ZNF582: variants seen among roughly 807,000 people sequenced by gnomAD.
ZNF582 encodes zinc finger protein 582.
ZNF582 carries 14 observed loss-of-function variants against 12.3 expected under a neutral mutation model. That is an observed-to-expected ratio of 1.14 (90% confidence interval 0.75 to 1.78). ZNF582 has a LOEUF of 1.78. Among genes scored for constraint, ZNF582 ranks in the 40% most tolerant of loss-of-function variants. The probability of loss-of-function intolerance (pLI) is 0.00; values close to 1 mark genes in which losing one functional copy is unlikely to be tolerated. For missense variants in ZNF582, 567 were observed against 616.5 expected (o/e 0.92, Z 0.85); for synonymous variants, 210 against 207.2 (o/e 1.01, Z -0.11).
exon 5 of ZNF582, chr19:56,383,142 AT>A (rs2041931921): frequency 6.6e-6 from 1 of 152,222 alleles, no homozygotes; most frequent in South Asian, 2.1e-4. Flanking sequence ...AACAAGGGGA[AT>A]TGGGTATGGC....
At chr19:56,388,741 T>A (rs777996520) in intron 4 of ZNF582, among the ~76,000 whole-genome samples, 1 of 152,160 alleles carries the variant, frequency 6.6e-6, no homozygotes, top group African/African-American at 2.4e-5. Context: ...CAAGCGATTC[T>A]CCTGCTTCAG....
At chr19:56,390,134 TG>T (rs1298870982) in intron 3 of ZNF582, 38 bp from the exon 4 acceptor site, 3 of 1,597,798 alleles carry the variant, frequency 1.9e-6, no homozygotes, top group East Asian at 4.5e-5. Flanking sequence ...GGTTATGGTG[TG>T]GGGGCCCCAG....
chr19:56,383,903 T>C, exon 5 of ZNF582: 1 of 1,601,786 alleles, frequency 6.2e-7, no homozygotes, highest in African/African-American at 1.3e-5. Flanking sequence ...ATTCATATGG[T>C]TGCTTGCCAA....
At position 56,383,777 on chromosome 19, in the gene ZNF582, T is replaced by G. The variant is rs139696388; in HGVS notation, c.*86A>C. On this transcript the variant is annotated 3_prime_UTR_variant, in exon 5 of 5. Coordinates refer to ENST00000586929, the Ensembl canonical transcript of ZNF582. ...AATTTTCAGACTTAGGATAAAGGCTTACCTCTGAATGAAGGCATTGTCACT... is the reference window on the plus strand; with the variant it reads ...AATTTTCAGACTTAGGATAAAGGCTGACCTCTGAATGAAGGCATTGTCACT... 1.5e-4 allele frequency: 216 copies of G among 1,431,370 alleles called. 1 individual carries two copies. The African/African-American group carries it at 2.7e-3, about 18-fold the overall frequency. The allele number at this position is 1,431,370 out of a possible 1,614,324, so 88.7% of individuals were successfully genotyped here.
chr19:56,387,139 T>C (rs531677500), intron 4 of ZNF582, among the ~76,000 whole-genome samples: 3 of 152,364 alleles, frequency 2.0e-5, no homozygotes, highest in Admixed American at 2.0e-4. Context: ...CTGTATTTTG[T>C]GCAGTAGCTT....
At chr19:56,391,680 A>T in intron 2 of ZNF582, 64 bp downstream of exon 2, 1 of 1,499,984 alleles carries the variant, frequency 6.7e-7, no homozygotes, top group South Asian at 1.1e-5. Context: ...AAATTTCTGG[A>T]TGGAACCCAG....
intron 4 of ZNF582, among the ~76,000 whole-genome samples, chr19:56,387,204 G>A (rs73937253): frequency 0.033 from 5,058 of 152,284 alleles, 296 homozygotes; most frequent in African/African-American, 0.12. Context: ...GAGGGTGAAA[G>A]AGCAGGAGGG....
At chr19:56,389,444 A>G (rs369136172) in intron 4 of ZNF582, among the ~76,000 whole-genome samples, 1 of 152,186 alleles carries the variant, frequency 6.6e-6, no homozygotes, top group Non-Finnish European at 1.5e-5. Flanking sequence ...CAAATACTGC[A>G]TGTTCTCACT....
Position 56,391,739 on chromosome 19 carries a change from C to T in ZNF582, c.9+5G>A. 6.2e-7 allele frequency: 1 copy of T among 1,612,668 alleles called. No individual in the cohort carries two copies. The highest frequency in any genetic ancestry group is 8.5e-7 in the Non-Finnish European group (1 of 1,178,662). ...AGCAAATATTTATGGGATTTAAAAACTCACAAGGGACATGACTTTTAGAAT... is the reference window on the plus strand; with the variant it reads ...AGCAAATATTTATGGGATTTAAAAATTCACAAGGGACATGACTTTTAGAAT... On this transcript the variant is annotated splice_donor_5th_base_variant and intron_variant, in intron 2 of 4. Coordinates refer to ENST00000586929, the Ensembl canonical transcript of ZNF582.
exon 5 of ZNF582, chr19:56,383,861 G>C: frequency 6.4e-7 from 1 of 1,556,390 alleles, no homozygotes; most frequent in Non-Finnish European, 8.6e-7. Context: ...GTCACAATTA[G>C]CCTAGGCTAA....
chr19:56,384,787 A>G, exon 5 of ZNF582: 4 of 1,595,494 alleles, frequency 2.5e-6, no homozygotes, highest in South Asian at 2.3e-5. Flanking sequence ...GTCGTGAGCC[A>G]TATTTAAAGG....
intron 1 of ZNF582, 78 bp downstream of exon 1, chr19:56,393,140 TAA>T (rs11439847): frequency 3.3e-3 from 3,255 of 980,804 alleles, no homozygotes; most frequent in Non-Finnish European, 3.6e-3. Context: ...CCTCTCAGAT[TAA>T]AAAAAAAAAA....
rs749937000 is a variant in ZNF582 at position 56,384,005 on chromosome 19, C to T, written c.1412G>A (p.Arg471Lys). The T allele has an allele frequency of 2.2e-5, 35 of 1,613,820 alleles. No homozygotes were observed. The highest frequency in any genetic ancestry group is 1.2e-5 in the Non-Finnish European group (14 of 1,179,962). Residue 471 changes from arginine (R) to lysine (K), a missense_variant, in exon 5 of 5, where the codon AGA becomes AAA. By Grantham distance (26) the Arg-to-Lys change is conservative. Coordinates refer to ENST00000586929, the Ensembl canonical transcript of ZNF582. ...CACATGTGTTTCTCTATTATGCATTCTCTGAGGTTGAACGGTAGTTGAATC... is the reference window on the plus strand; with the variant it reads ...CACATGTGTTTCTCTATTATGCATTTTCTGAGGTTGAACGGTAGTTGAATC...
At position 56,390,504 on chromosome 19, in the gene ZNF582, G is replaced by A. The variant is rs1167261731; in HGVS notation, c.10-3C>T. On this transcript the variant is annotated splice_polypyrimidine_tract_variant and splice_region_variant and intron_variant, in intron 2 of 4. Transcript: ENST00000586929. The stretch of plus-strand genomic sequence containing the variant: ...ACATCCCTGAACAATTCTGACCCCT[G>A]GAATGACAGGCATGTATGATATATA... 7 of 1,614,010 alleles carry A rather than the reference G, an allele frequency of 4.3e-6. No individual in the cohort carries two copies. The highest frequency in any genetic ancestry group is 1.7e-5 in the Admixed American group (1 of 59,994).
At chr19:56,383,633 C>G (rs1312059753) in exon 5 of ZNF582, 1 of 393,518 alleles carries the variant, frequency 2.5e-6, no homozygotes, top group Non-Finnish European at 4.4e-6. Context: ...AATTACTACA[C>G]TGTGGTTAGA....
intron 4 of ZNF582, among the ~76,000 whole-genome samples, chr19:56,385,671 T>TAAA (rs79502192): frequency 7.4e-6 from 1 of 135,458 alleles, no homozygotes. Context: ...AGGGAGACTT[T>TAAA]AAAAAAAAAA....
At chr19:56,382,844 G>A (rs1244680501) in exon 5 of ZNF582, 7 of 152,150 alleles carry the variant, frequency 4.6e-5, no homozygotes, top group African/African-American at 1.7e-4. Context: ...CTCAGGCTCT[G>A]GGTCAGCTTC....
At chr19:56,391,937 GAGA>G (rs1312127045) in intron 1 of ZNF582, 105 bp from the exon 2 acceptor site, 3 of 945,640 alleles carry the variant, frequency 3.2e-6, no homozygotes, top group Non-Finnish European at 4.7e-6. Flanking sequence ...CCAAGAAAAT[GAGA>G]AGGAGGGGGA....
At chr19:56,391,868 T>A (rs1176833672) in intron 1 of ZNF582, 36 bp from the exon 2 acceptor site, 3 of 1,586,100 alleles carry the variant, frequency 1.9e-6, no homozygotes, top group Non-Finnish European at 2.6e-6. Flanking sequence ...GAGGCTAGGC[T>A]TGCCTCACAG....
Sources: gnomAD v4.1 joint callset for allele counts (sites outside exome capture counted in the v4.1 genomes callset) on GRCh38, gnomAD v4.1.1 for gene constraint, MANE v1.5 for transcripts, NCBI Gene and HGNC (gene_info 2026-07-23, HGNC 2026-07-21) for gene names.